AKAP19: variants seen among roughly 807,000 people sequenced by gnomAD.
The protein encoded by AKAP19 is A-kinase anchoring protein 19.
the AKAP19 span, among the ~76,000 whole-genome samples, chr2:189,986,474 C>T: frequency 6.6e-6 from 1 of 151,332 alleles, no homozygotes; most frequent in Non-Finnish European, 1.5e-5. Flanking sequence ...CAGAGGCATA[C>T]TGCTAACCTG....
the AKAP19 span, among the ~76,000 whole-genome samples, chr2:189,887,936 G>T: frequency 6.6e-6 from 1 of 152,056 alleles, no homozygotes; most frequent in Non-Finnish European, 1.5e-5. Flanking sequence ...AGTTTCTTTT[G>T]CCCTGCAGAA....
At chr2:190,079,437 G>C in the AKAP19 span, 1 of 152,242 alleles carries the variant, frequency 6.6e-6, no homozygotes, top group Admixed American at 6.5e-5. Flanking sequence ...ATTTGTCACT[G>C]TCTCAAGCAC....
At chr2:190,079,859 GTGTGTGTGT>G in the AKAP19 span, 1 of 71,122 alleles carries the variant, frequency 1.4e-5, no homozygotes, top group African/African-American at 1.0e-4. Flanking sequence ...AATGAGGGGT[GTGTGTGTGT>G]GTGTGTGTGT....
the AKAP19 span, among the ~76,000 whole-genome samples, chr2:189,912,278 C>T: frequency 6.6e-6 from 1 of 152,076 alleles, no homozygotes; most frequent in Non-Finnish European, 1.5e-5. Context: ...CGATGGCTCA[C>T]ACCTATAATC....
At chr2:190,116,826 G>A in the AKAP19 span, among the ~76,000 whole-genome samples, 1 of 152,104 alleles carries the variant, frequency 6.6e-6, no homozygotes, top group African/African-American at 2.4e-5. Context: ...CAACTTTCTA[G>A]GAATGTATTT....
At chr2:189,998,987 A>G in the AKAP19 span, among the ~76,000 whole-genome samples, 1 of 151,542 alleles carries the variant, frequency 6.6e-6, no homozygotes, top group Non-Finnish European at 1.5e-5. Flanking sequence ...GGCTAGGCTG[A>G]TCTCAAACTC....
the AKAP19 span, among the ~76,000 whole-genome samples, chr2:189,882,068 A>G: frequency 5.3e-5 from 8 of 152,180 alleles, no homozygotes; most frequent in African/African-American, 1.7e-4. Flanking sequence ...TTGTACCATC[A>G]AATACCTATG....
At chr2:190,068,533 G>T in the AKAP19 span, among the ~76,000 whole-genome samples, 3 of 152,156 alleles carry the variant, frequency 2.0e-5, no homozygotes, top group Non-Finnish European at 4.4e-5. Context: ...GTTTTGCCAT[G>T]TTGGCTAGGC....
At chr2:190,042,441 A>T in the AKAP19 span, among the ~76,000 whole-genome samples, 1 of 149,896 alleles carries the variant, frequency 6.7e-6, no homozygotes, top group Non-Finnish European at 1.5e-5. Context: ...GTATTTTATT[A>T]ATTTTTTTTT....
chr2:189,942,965 G>A, the AKAP19 span, among the ~76,000 whole-genome samples: 2 of 152,218 alleles, frequency 1.3e-5, no homozygotes, highest in Admixed American at 6.5e-5. Flanking sequence ...AAGGGAAGCT[G>A]AGCATAAAAG....
At chr2:190,035,896 G>A in the AKAP19 span, among the ~76,000 whole-genome samples, 2 of 152,222 alleles carry the variant, frequency 1.3e-5, no homozygotes, top group East Asian at 3.9e-4. Context: ...ATTTTATTGT[G>A]GATGTATGTA....
the AKAP19 span, among the ~76,000 whole-genome samples, chr2:189,964,800 G>T: frequency 6.6e-6 from 1 of 152,178 alleles, no homozygotes; most frequent in African/African-American, 2.4e-5. Flanking sequence ...TTAGGCTTTG[G>T]CATAAGGGAA....
the AKAP19 span, among the ~76,000 whole-genome samples, chr2:190,004,418 C>T: frequency 6.6e-6 from 1 of 152,204 alleles, no homozygotes; most frequent in Non-Finnish European, 1.5e-5. Flanking sequence ...AGTGAAAATT[C>T]TTACAGTGAC....
chr2:190,115,579 A>G, the AKAP19 span, among the ~76,000 whole-genome samples: 69 of 151,200 alleles, frequency 4.6e-4, no homozygotes, highest in East Asian at 5.9e-4. Flanking sequence ...TCGGCCTCCC[A>G]AAGTGCTGGG....
the AKAP19 span, among the ~76,000 whole-genome samples, chr2:190,075,270 A>C: frequency 6.6e-6 from 1 of 152,084 alleles, no homozygotes; most frequent in African/African-American, 2.4e-5. Flanking sequence ...TATTTATATC[A>C]TTTTACATTT....
chr2:190,201,906 T>C, the AKAP19 span: 1 of 167,022 alleles, frequency 6.0e-6, no homozygotes. Context: ...GGTGTGGTTG[T>C]TTTTCATTCA....
chr2:189,926,805 G>A, the AKAP19 span, among the ~76,000 whole-genome samples: 1 of 151,566 alleles, frequency 6.6e-6, no homozygotes, highest in African/African-American at 2.4e-5. Context: ...GGATGGTCTC[G>A]ATTTCCTGAC....
the AKAP19 span, among the ~76,000 whole-genome samples, chr2:190,189,086 T>C: frequency 2.0e-4 from 31 of 152,276 alleles, no homozygotes; most frequent in African/African-American, 7.0e-4. Flanking sequence ...CCCAGAGACC[T>C]GTTTGGGAGA....
the AKAP19 span, among the ~76,000 whole-genome samples, chr2:189,893,676 A>C: frequency 6.6e-6 from 1 of 152,322 alleles, no homozygotes; most frequent in Admixed American, 6.5e-5. Flanking sequence ...CCATCGTGCC[A>C]GCCACCTTTG....
Sources: gnomAD v4.1 joint callset for allele counts (sites outside exome capture counted in the v4.1 genomes callset) on GRCh38, gnomAD v4.1.1 for gene constraint, MANE v1.5 for transcripts, NCBI Gene and HGNC (gene_info 2026-07-23, HGNC 2026-07-21) for gene names.